The following FMN2 variants were observed in gnomAD, a reference collection of about 807,000 sequenced individuals.
FMN2 encodes formin-2.
In FMN2, 51 loss-of-function variants were observed where a neutral mutation model predicts 142.3. That is an observed-to-expected ratio of 0.36 (90% CI 0.29 to 0.45). The LOEUF (loss-of-function observed/expected upper bound fraction) is 0.45. Ranked by LOEUF, FMN2 falls within the 20% of genes least tolerant of loss-of-function variation. The probability of loss-of-function intolerance (pLI) is 1.00; values close to 1 mark genes in which losing one functional copy is unlikely to be tolerated. For synonymous variants in FMN2, 882 were observed against 869.8 expected (o/e 1.01, Z -0.25); for missense variants, 1,936 against 2,122.8 (o/e 0.91, Z 1.73).
At chr1:240,300,452 T>C (rs1258409765) in intron 8 of FMN2, among the ~76,000 whole-genome samples, 2 of 152,182 alleles carry the variant, frequency 1.3e-5, no homozygotes, top group African/African-American at 4.8e-5. Flanking sequence ...TACCATTGTT[T>C]CCTCATTTGT....
chr1:240,266,630 G>A (rs1347624677), intron 7 of FMN2, among the ~76,000 whole-genome samples: 1 of 152,102 alleles, frequency 6.6e-6, no homozygotes, highest in Non-Finnish European at 1.5e-5. Context: ...CACCTAGGTT[G>A]ATTCTAAATC....
At chr1:240,369,617 G>A (rs1672795803) in intron 14 of FMN2, among the ~76,000 whole-genome samples, 1 of 152,210 alleles carries the variant, frequency 6.6e-6, no homozygotes, top group South Asian at 2.1e-4. Context: ...TTTAGCAATA[G>A]ATTTGCTAAT....
chr1:240,317,400 C>T (rs771275889), intron 8 of FMN2, among the ~76,000 whole-genome samples: 1 of 152,116 alleles, frequency 6.6e-6, no homozygotes, highest in Non-Finnish European at 1.5e-5. Flanking sequence ...ATTACACCAT[C>T]TCTTTCTCCA....
intron 15 of FMN2, among the ~76,000 whole-genome samples, chr1:240,412,598 A>G (rs1475239451): frequency 6.6e-6 from 1 of 152,188 alleles, no homozygotes; most frequent in Non-Finnish European, 1.5e-5. Flanking sequence ...AGCAGCAGTG[A>G]GGCAGTGAAG....
intron 8 of FMN2, among the ~76,000 whole-genome samples, chr1:240,307,268 A>G (rs1405294194): frequency 2.0e-5 from 3 of 151,928 alleles, no homozygotes; most frequent in African/African-American, 4.8e-5. Context: ...CCATTTCTCT[A>G]TTTTTGGTTT....
intron 11 of FMN2, among the ~76,000 whole-genome samples, chr1:240,332,483 A>G (rs946496178): frequency 3.3e-5 from 5 of 152,166 alleles, no homozygotes; most frequent in Non-Finnish European, 7.3e-5. Context: ...CTATAGCATC[A>G]ATATCATATT....
intron 2 of FMN2, among the ~76,000 whole-genome samples, chr1:240,172,201 T>TAC (rs138951858): frequency 3.5e-3 from 511 of 147,220 alleles, no homozygotes; most frequent in African/African-American, 0.012. Flanking sequence ...CACATACACA[T>TAC]ACACACACAC....
chr1:240,336,582 A>AAAAAAAAAAAAAAAAAAAG lies in FMN2; in HGVS notation c.4765+2353_4765+2354insAAAAAAAAAAAAAAAAAAG, dbSNP rs144682452. 2.9e-5 allele frequency among the ~76,000 whole-genome samples: 3 copies of AAAAAAAAAAAAAAAAAAAG among 101,842 alleles called. 1 individual carries two copies. The highest frequency in any genetic ancestry group is 4.1e-5 in the Non-Finnish European group (2 of 49,260). 66.8% of individuals were successfully genotyped at this position (101,842 alleles called of 152,430 possible). The stretch of plus-strand genomic sequence containing the variant: ...AAAAAAAAAAAAAAAAAAAAAAAAA[A>AAAAAAAAAAAAAAAAAAAG]GGTGGTTGCAATTGTTTTCCCATTT... On this transcript the variant is annotated intron_variant, in intron 13 of 17. Transcript: ENST00000319653.
chr1:240,139,615 T>C (rs1046340895), intron 2 of FMN2, among the ~76,000 whole-genome samples: 2 of 152,214 alleles, frequency 1.3e-5, no homozygotes, highest in African/African-American at 4.8e-5. Flanking sequence ...TGTTAAGTGA[T>C]ATTCAGTGTT....
chr1:240,121,735 T>TAAAAAAAAAAAAAAAAAAAAAA (rs71168898), intron 1 of FMN2, among the ~76,000 whole-genome samples: 1 of 25,678 alleles, frequency 3.9e-5, no homozygotes, highest in African/African-American at 1.5e-4. Flanking sequence ...AGGGAAATAG[T>TAAAAAAAAAAAAAAAAAAAAAA]AAAAAAAAAA....
intron 15 of FMN2, among the ~76,000 whole-genome samples, chr1:240,411,141 C>T (rs534739088): frequency 1.3e-5 from 2 of 152,266 alleles, no homozygotes; most frequent in African/African-American, 4.8e-5. Flanking sequence ...TTCAGACACG[C>T]AAGTTCTCAA....
chr1:240,237,508 G>T (rs1018189232), intron 6 of FMN2, among the ~76,000 whole-genome samples: 4 of 152,058 alleles, frequency 2.6e-5, no homozygotes, highest in Non-Finnish European at 4.4e-5. Flanking sequence ...CCCTTCTCTG[G>T]ATTTTTCGAA....
At chr1:240,466,395 C>T (rs1186441772) in intron 16 of FMN2, among the ~76,000 whole-genome samples, 1 of 152,052 alleles carries the variant, frequency 6.6e-6, no homozygotes, top group Non-Finnish European at 1.5e-5. Flanking sequence ...CTTTAAGTTA[C>T]ATTTACAACT....
intron 15 of FMN2, among the ~76,000 whole-genome samples, chr1:240,416,001 C>T (rs1485419695): frequency 6.6e-6 from 1 of 152,096 alleles, no homozygotes; most frequent in African/African-American, 2.4e-5. Context: ...CCTGCCCAGC[C>T]CTAAATTCAC....
chr1:240,425,072 T>G (rs1674889589), intron 15 of FMN2, among the ~76,000 whole-genome samples: 1 of 152,130 alleles, frequency 6.6e-6, no homozygotes, highest in Non-Finnish European at 1.5e-5. Flanking sequence ...ATCTTGTGTT[T>G]CTGATGGCGG....
intron 13 of FMN2, among the ~76,000 whole-genome samples, chr1:240,346,978 C>T (rs932419961): frequency 6.6e-6 from 1 of 152,068 alleles, no homozygotes; most frequent in African/African-American, 2.4e-5. Context: ...TTATGGTCAA[C>T]AATTCAAACA....
chr1:240,345,913 A>T (rs974464958), intron 13 of FMN2, among the ~76,000 whole-genome samples: 1 of 152,124 alleles, frequency 6.6e-6, no homozygotes, highest in Non-Finnish European at 1.5e-5. Context: ...CAGCACCAAA[A>T]CCCTCAGATA....
At chr1:240,125,542 T>G (rs1662460823) in intron 2 of FMN2, among the ~76,000 whole-genome samples, 1 of 152,248 alleles carries the variant, frequency 6.6e-6, no homozygotes, top group South Asian at 2.1e-4. Context: ...GTTGGAACTA[T>G]AATTAGTATA....
intron 3 of FMN2, among the ~76,000 whole-genome samples, chr1:240,178,868 G>A (rs1389620109): frequency 2.6e-5 from 4 of 152,090 alleles, no homozygotes; most frequent in Admixed American, 6.5e-5. Context: ...TCCTCCACCC[G>A]ATTTTCCTAA....
Sources: gnomAD v4.1 joint callset for allele counts (sites outside exome capture counted in the v4.1 genomes callset) on GRCh38, gnomAD v4.1.1 for gene constraint, MANE v1.5 for transcripts, NCBI Gene and HGNC (gene_info 2026-07-23, HGNC 2026-07-21) for gene names.